NT5DC1: variants seen among roughly 807,000 people sequenced by gnomAD.
The protein encoded by NT5DC1 is 5'-nucleotidase domain containing 1, also known as 5'-nucleotidase domain-containing protein 1.
NT5DC1 carries 42 observed loss-of-function variants against 59.4 expected under a neutral mutation model. The observed-to-expected ratio is 0.71, with a 90% confidence interval of 0.55 to 0.92. The LOEUF is 0.92. NT5DC1 is among the 40% of genes least tolerant of loss of function. The probability of loss-of-function intolerance (pLI) is 0.00; values close to 1 mark genes in which losing one functional copy is unlikely to be tolerated. For synonymous variants in NT5DC1, 172 were observed against 188.1 expected (o/e 0.91, Z 0.70); for missense variants, 501 against 537.1 (o/e 0.93, Z 0.66).
chr6:116,202,400 A>G (rs1781367952), intron 6 of NT5DC1, among the ~76,000 whole-genome samples: 1 of 151,966 alleles, frequency 6.6e-6, no homozygotes, highest in African/African-American at 2.4e-5. Context: ...AATAAAATTC[A>G]CTGAGTTTTG....
At chr6:116,208,356 C>T (rs1366564209) in intron 6 of NT5DC1, among the ~76,000 whole-genome samples, 1 of 151,950 alleles carries the variant, frequency 6.6e-6, no homozygotes, top group Non-Finnish European at 1.5e-5. Context: ...AAACAAAACC[C>T]TCCCAAAATG....
intron 4 of NT5DC1, 126 bp from the exon 5 acceptor site, chr6:116,115,565 T>A (rs983605944): frequency 1.1e-5 from 5 of 441,346 alleles, no homozygotes; most frequent in Admixed American, 7.9e-5. Context: ...GGTGCCACTT[T>A]GAATTGGAAT....
At chr6:116,170,506 A>C (rs1051986330) in intron 6 of NT5DC1, among the ~76,000 whole-genome samples, 3 of 152,180 alleles carry the variant, frequency 2.0e-5, no homozygotes, top group African/African-American at 7.2e-5. Flanking sequence ...TTTTGTGGAT[A>C]TATAACTAAA....
intron 11 of NT5DC1, among the ~76,000 whole-genome samples, chr6:116,240,540 C>T (rs1447338033): frequency 6.6e-6 from 1 of 151,116 alleles, no homozygotes; most frequent in Non-Finnish European, 1.5e-5. Flanking sequence ...GATTGGAGTC[C>T]CAGGAGATGA....
chr6:116,215,802 A>G (rs1173804514), intron 6 of NT5DC1, among the ~76,000 whole-genome samples: 2 of 152,172 alleles, frequency 1.3e-5, no homozygotes, highest in East Asian at 1.9e-4. Context: ...TGGGTAAACT[A>G]TTACAATACA....
chr6:116,101,286 C>G (rs1020820034), intron 1 of NT5DC1, among the ~76,000 whole-genome samples: 1 of 152,010 alleles, frequency 6.6e-6, no homozygotes, highest in Non-Finnish European at 1.5e-5. Flanking sequence ...GGGCAAACTG[C>G]GCAAGACCGG....
chr6:116,155,338 T>C (rs1780159563), intron 6 of NT5DC1, among the ~76,000 whole-genome samples: 1 of 152,274 alleles, frequency 6.6e-6, no homozygotes, highest in Admixed American at 6.5e-5. Context: ...GACCAATTCA[T>C]TTAGCACTTT....
intron 6 of NT5DC1, among the ~76,000 whole-genome samples, chr6:116,215,592 A>G (rs750352177): frequency 3.5e-4 from 54 of 152,236 alleles, no homozygotes; most frequent in Admixed American, 8.5e-4. Flanking sequence ...GATTTGTTAT[A>G]TTTTGAATAA....
chr6:116,167,252 C>G (rs1036915573), intron 6 of NT5DC1, among the ~76,000 whole-genome samples: 1 of 108,108 alleles, frequency 9.3e-6, no homozygotes, highest in Non-Finnish European at 1.7e-5. Context: ...CTTGTTCTGT[C>G]GCCAGGCTGG....
At chr6:116,208,843 C>T (rs1284678732) in intron 6 of NT5DC1, among the ~76,000 whole-genome samples, 3 of 151,900 alleles carry the variant, frequency 2.0e-5, no homozygotes, top group African/African-American at 7.2e-5. Flanking sequence ...AAAGAGATGG[C>T]AGAGTAAAGA....
intron 11 of NT5DC1, 100 bp downstream of exon 11, chr6:116,239,223 TGATTTA>T: frequency 2.2e-6 from 2 of 915,774 alleles, no homozygotes; most frequent in Non-Finnish European, 3.3e-6. Context: ...GCCACAACAT[TGATTTA>T]TCTTTGGGGA....
At chr6:116,205,338 T>G (rs1484511194) in intron 6 of NT5DC1, among the ~76,000 whole-genome samples, 1 of 151,772 alleles carries the variant, frequency 6.6e-6, no homozygotes, top group Non-Finnish European at 1.5e-5. Flanking sequence ...CTTCAGACTT[T>G]TTTTTTATGT....
chr6:116,134,565 G>C (rs984421970), intron 6 of NT5DC1, among the ~76,000 whole-genome samples: 1 of 152,156 alleles, frequency 6.6e-6, no homozygotes, highest in African/African-American at 2.4e-5. Context: ...GTTTATTGAG[G>C]TGGATGGTTT....
chr6:116,189,069 G>C (rs1168378032), intron 6 of NT5DC1, among the ~76,000 whole-genome samples: 1 of 151,826 alleles, frequency 6.6e-6, no homozygotes, highest in Non-Finnish European at 1.5e-5. Context: ...GTCATTATCA[G>C]TTTTCTCATT....
Position 116,247,672 on chromosome 6 carries a change from T to C in NT5DC1, c.*3648T>C, listed in dbSNP as rs952724099. The C allele has an allele frequency of 3.6e-4, 55 of 152,176 alleles. 2 individuals carry two copies. Among genetic ancestry groups the C allele is most frequent in the Non-Finnish European group, 4.4e-5 (3 of 68,022 alleles). The allele number at this position is 152,176 out of a possible 1,614,324, so 9.4% of individuals were successfully genotyped here. A position where few individuals can be genotyped will look rare whatever the true frequency, so the allele number is the denominator to read the frequency against. ...TTTTCAAAAAACAAGTTTATTTTAC[T>C]TTTTTTGGTACTTTGGTCATGTTGT... On this transcript the variant is annotated 3_prime_UTR_variant, in exon 12 of 12. Coordinates refer to ENST00000319550, the MANE Select transcript of NT5DC1 (RefSeq NM_152729.3).
chr6:116,244,010 C>G lies in NT5DC1; in HGVS notation c.1354C>G (p.Leu452Val). ...PPLVLSSDETLISK is the reference protein window; with the variant it reads ...PPLVLSSDETVISK ...ACTGGTCTTATCAAGTGATGAGACA[C>G]TGATATCCAAATAAGTTGTCTTTAC... Residue 452 changes from leucine to valine, a missense_variant, in exon 12 of 12, where the codon CTG becomes GTG. By Grantham distance (32) the Leu-to-Val change is conservative. Transcript: ENST00000319550. 1 of 1,380,564 alleles carries G rather than the reference C, an allele frequency of 7.2e-7. No homozygotes were observed. Among genetic ancestry groups the G allele is most frequent in the Non-Finnish European group, 1.0e-6 (1 of 982,362 alleles). The allele number at this position is 1,380,564 out of a possible 1,614,324, so 85.5% of individuals were successfully genotyped here. A position where few individuals can be genotyped will look rare whatever the true frequency, so the allele number is the denominator to read the frequency against.
chr6:116,121,026 T>C (rs202131576), intron 6 of NT5DC1: 12 of 1,613,688 alleles, frequency 7.4e-6, no homozygotes, highest in Non-Finnish European at 1.0e-5. Context: ...GCTGGCCCTG[T>C]CTCACCTTTA....
intron 11 of NT5DC1, among the ~76,000 whole-genome samples, chr6:116,241,848 G>C (rs991599732): frequency 1.4e-5 from 2 of 146,034 alleles, no homozygotes; most frequent in African/African-American, 2.5e-5. Context: ...GCATGAACCC[G>C]GGGGGCGGAG....
In NT5DC1 at chr6:116,238,393, G is replaced by A. The variant is rs747224929; in HGVS notation, c.1083+45G>A. ...CTTTCCTTGAAAGACAAATATTTAT[G>A]TTTGAAAGCTAAAGTATCTTTATAC... On this transcript the variant is annotated intron_variant, in intron 10 of 11. Coordinates refer to ENST00000319550, the MANE Select transcript of NT5DC1 (RefSeq NM_152729.3). 3.8e-6 allele frequency: 5 copies of A among 1,301,308 alleles called. No individual in the cohort carries two copies. The South Asian group carries it at 6.6e-5, about 17-fold the overall frequency. The allele number at this position is 1,301,308 out of a possible 1,614,324, so 80.6% of individuals were successfully genotyped here. A position where few individuals can be genotyped will look rare whatever the true frequency, so the allele number is the denominator to read the frequency against.
Sources: gnomAD v4.1 joint callset for allele counts (sites outside exome capture counted in the v4.1 genomes callset) on GRCh38, gnomAD v4.1.1 for gene constraint, MANE v1.5 for transcripts, NCBI Gene and HGNC (gene_info 2026-07-23, HGNC 2026-07-21) for gene names.